TASP1: variants seen among roughly 807,000 people sequenced by gnomAD.
The protein encoded by TASP1 is threonine aspartase 1.
A neutral mutation model predicts 56.6 loss-of-function variants in TASP1; 16 were observed. The observed-to-expected ratio is 0.28, with a 90% confidence interval of 0.19 to 0.43. The LOEUF is 0.43. Among genes scored for constraint, TASP1 ranks in the 20% least tolerant of loss-of-function variants. TASP1 has a pLI of 1.00. For synonymous variants in TASP1, 179 were observed against 184.2 expected (o/e 0.97, Z 0.23); for missense variants, 393 against 511.6 (o/e 0.77, Z 2.24).
intron 4 of TASP1, among the ~76,000 whole-genome samples, chr20:13,607,991 C>A (rs2048218634): frequency 1.3e-5 from 2 of 152,092 alleles, no homozygotes; most frequent in Admixed American, 1.3e-4. Context: ...AAAGAAAAAT[C>A]ATTTTAATTA....
At position 13,620,054 on chromosome 20, in the gene TASP1, G is replaced by A. The variant is rs2048654308; in HGVS notation, c.282+3392C>T. Among the ~76,000 whole-genome samples, 4 of 152,032 alleles carry A rather than the reference G, an allele frequency of 2.6e-5. 1 individual carries two copies. In the South Asian group the frequency reaches 8.3e-4, roughly 32 times the overall value. On this transcript the variant is annotated intron_variant, in intron 4 of 13. Transcript: ENST00000337743. ...AGAAGGTGGTCAATTTAATAGATAGGAACTTTTGCACCCGCCCCTCCTTTA... is the reference window on the plus strand; with the variant it reads ...AGAAGGTGGTCAATTTAATAGATAGAAACTTTTGCACCCGCCCCTCCTTTA...
rs989731826 is a variant in TASP1 at position 13,459,064 on chromosome 20, T to C, written c.986-23910A>G. 2.6e-5 allele frequency among the ~76,000 whole-genome samples: 4 copies of C among 152,274 alleles called. No individual in the cohort carries two copies. In the East Asian group the frequency reaches 5.8e-4, roughly 22 times the overall value. On this transcript the variant is annotated intron_variant, in intron 11 of 13. Transcript: ENST00000337743. ...ATCTACTGGCCCCTAGAGGCCACTC[T>C]CCATCACCCCTCAAAGATTTATGCC... is the stretch of plus-strand genomic sequence containing the variant.
At chr20:13,595,130 T>C (rs1376988231) in intron 4 of TASP1, among the ~76,000 whole-genome samples, 1 of 152,050 alleles carries the variant, frequency 6.6e-6, no homozygotes, top group Non-Finnish European at 1.5e-5. Context: ...CAAACTAAGC[T>C]TCCTAAGTGA....
chr20:13,493,609 C>T (rs2043620548), intron 10 of TASP1, among the ~76,000 whole-genome samples: 1 of 152,228 alleles, frequency 6.6e-6, no homozygotes, highest in African/African-American at 2.4e-5. Flanking sequence ...GTCAGCTTCC[C>T]TGGTTTTGAG....
the TASP1 span, among the ~76,000 whole-genome samples, chr20:13,301,706 C>T: frequency 1.3e-5 from 2 of 151,770 alleles, no homozygotes; most frequent in African/African-American, 4.8e-5. Flanking sequence ...ATTTTTTTTG[C>T]AAAGAGAATT....
the TASP1 span, among the ~76,000 whole-genome samples, chr20:13,228,599 A>C: frequency 1.1e-4 from 16 of 152,176 alleles, no homozygotes; most frequent in East Asian, 2.9e-3. Context: ...AATGTTCGGA[A>C]ATTTTACCAG....
the TASP1 span, among the ~76,000 whole-genome samples, chr20:13,359,893 C>T: frequency 9.5e-3 from 1,404 of 147,900 alleles, 21 homozygotes; most frequent in African/African-American, 0.032. Context: ...GGCGGCCGAT[C>T]ATGCACCCCT....
At chr20:13,357,554 T>C in the TASP1 span, among the ~76,000 whole-genome samples, 16 of 152,176 alleles carry the variant, frequency 1.1e-4, no homozygotes, top group African/African-American at 3.9e-4. Context: ...GTGATAAAAA[T>C]GGAAGATCAA....
intron 4 of TASP1, among the ~76,000 whole-genome samples, chr20:13,603,544 A>G (rs2147374759): frequency 7.2e-6 from 1 of 138,210 alleles, no homozygotes; most frequent in African/African-American, 2.9e-5. Context: ...CCTGTCTCAA[A>G]AAAATAAAAA....
the TASP1 span, among the ~76,000 whole-genome samples, chr20:13,364,085 T>TA: frequency 1.2e-3 from 178 of 148,646 alleles, 1 homozygote; most frequent in Middle Eastern, 7.1e-3. Flanking sequence ...AAGAGGGATT[T>TA]AAAAAAAAAA....
At chr20:13,497,989 G>C (rs959922867) in intron 10 of TASP1, among the ~76,000 whole-genome samples, 1 of 152,090 alleles carries the variant, frequency 6.6e-6, no homozygotes, top group African/African-American at 2.4e-5. Context: ...ATTAACTCAA[G>C]GTGGATCTCA....
At chr20:13,224,255 T>C in the TASP1 span, among the ~76,000 whole-genome samples, 3 of 152,218 alleles carry the variant, frequency 2.0e-5, no homozygotes, top group African/African-American at 4.8e-5. Flanking sequence ...TAATTTGTTA[T>C]TATAAAAGTT....
At chr20:13,442,079 C>A (rs923691862) in intron 11 of TASP1, among the ~76,000 whole-genome samples, 1 of 152,102 alleles carries the variant, frequency 6.6e-6, no homozygotes, top group South Asian at 2.1e-4. Context: ...AAACTCCACT[C>A]CCCTAAGATT....
At chr20:13,198,859 C>T in the TASP1 span, among the ~76,000 whole-genome samples, 685 of 109,562 alleles carry the variant, frequency 6.3e-3, 5 homozygotes, top group Non-Finnish European at 8.6e-3. Context: ...TCTTTCTTTC[C>T]TTCCTTCCTT....
intron 13 of TASP1, among the ~76,000 whole-genome samples, chr20:13,393,985 T>G (rs184562521): frequency 6.6e-6 from 1 of 152,102 alleles, no homozygotes; most frequent in Non-Finnish European, 1.5e-5. Flanking sequence ...TAAAGATTAA[T>G]CTTAGATTTT....
At chr20:13,278,873 T>C in the TASP1 span, among the ~76,000 whole-genome samples, 2 of 152,330 alleles carry the variant, frequency 1.3e-5, no homozygotes, top group East Asian at 1.9e-4. Flanking sequence ...TTCTCCTCCA[T>C]GCAGCCTCTC....
At chr20:13,627,731 C>T (rs1467302759) in intron 2 of TASP1, among the ~76,000 whole-genome samples, 2 of 76,286 alleles carry the variant, frequency 2.6e-5, no homozygotes, top group African/African-American at 1.6e-4. Flanking sequence ...GAAACTTAGT[C>T]TTAAAAAAAA....
the TASP1 span, among the ~76,000 whole-genome samples, chr20:13,274,606 C>G: frequency 6.6e-6 from 1 of 152,212 alleles, no homozygotes; most frequent in Non-Finnish European, 1.5e-5. Context: ...ACAGCCTGCA[C>G]CTTTCCAAAG....
the TASP1 span, among the ~76,000 whole-genome samples, chr20:13,155,653 C>T: frequency 6.6e-6 from 1 of 151,930 alleles, no homozygotes; most frequent in Non-Finnish European, 1.5e-5. Flanking sequence ...GGTGAAACCC[C>T]GTGTCTACAA....
Sources: allele counts gnomAD v4.1 joint callset (sites outside exome capture counted in the v4.1 genomes callset), GRCh38; gene constraint gnomAD v4.1.1; transcripts MANE v1.5; gene names NCBI Gene and HGNC (gene_info 2026-07-23, HGNC 2026-07-21).